TTLL9: variants seen among roughly 807,000 people sequenced by gnomAD.
TTLL9 encodes the protein tubulin tyrosine ligase like 9, also known as probable tubulin polyglutamylase TTLL9.
In TTLL9, 47 loss-of-function variants were observed where a neutral mutation model predicts 65.6. The observed-to-expected ratio is 0.72, with a 90% CI of 0.57 to 0.91. The LOEUF (loss-of-function observed/expected upper bound fraction) is 0.91. Among genes scored for constraint, TTLL9 ranks in the 40% least tolerant of loss-of-function variants. TTLL9 has a pLI of 0.00. For synonymous variants in TTLL9, 179 were observed against 204.8 expected, an observed-to-expected ratio of 0.87 and a Z score of 1.07; for missense variants, 537 against 568.8, an observed-to-expected ratio of 0.94 and a Z score of 0.57.
chr20:31,908,538 G>A, intron 4 of TTLL9, 53 bp from the exon 5 acceptor site: 1 of 1,358,066 alleles, frequency 7.4e-7, no homozygotes. Flanking sequence ...GGGCCCTGCA[G>A]TGCCAAGGTC....
intron 13 of TTLL9, 124 bp from the exon 14 acceptor site, chr20:31,939,018 G>T: frequency 8.5e-7 from 1 of 1,177,858 alleles, no homozygotes; most frequent in East Asian, 2.8e-5. Context: ...ATGAATGGTT[G>T]GGAAAAAGGA....
chr20:31,930,641 T>C (rs1040171492), intron 10 of TTLL9, among the ~76,000 whole-genome samples: 13 of 152,230 alleles, frequency 8.5e-5, no homozygotes, highest in African/African-American at 2.2e-4. Flanking sequence ...AATTTTTGCA[T>C]TGACATCTGT....
chr20:31,926,289 A>G (rs2063905766), intron 10 of TTLL9, among the ~76,000 whole-genome samples, 198 bp downstream of exon 10: 1 of 152,152 alleles, frequency 6.6e-6, no homozygotes, highest in Admixed American at 6.5e-5. Context: ...GAACATTTGC[A>G]TCCTTTTATG....
chr20:31,943,227 G>C lies in TTLL9; in HGVS notation c.*206G>C, dbSNP rs752051268. The stretch of plus-strand genomic sequence containing the variant: ...ATCCCCAGGCATCTTTGCACCAGGA[G>C]ACAGCCAATCACTGGGACTGGGGGA... On this transcript the variant is annotated 3_prime_UTR_variant, in exon 15 of 15. Transcript: ENST00000535842. 14 of 604,330 alleles carry C rather than the reference G, an allele frequency of 2.3e-5. No individual in the cohort carries two copies. The highest frequency in any genetic ancestry group is 3.7e-5 in the African/African-American group (2 of 54,194). The allele number at this position is 604,330 out of a possible 1,614,324, so 37.4% of individuals were successfully genotyped here.
chr20:31,924,046 A>G (rs1185802532), intron 8 of TTLL9, among the ~76,000 whole-genome samples: 2 of 152,066 alleles, frequency 1.3e-5, no homozygotes, highest in African/African-American at 2.4e-5. Context: ...TCTAGGGGAC[A>G]CAGCTAGAAG....
chr20:31,913,533 G>A (rs1168841053), intron 6 of TTLL9, among the ~76,000 whole-genome samples: 1 of 152,218 alleles, frequency 6.6e-6, no homozygotes, highest in Non-Finnish European at 1.5e-5. Context: ...CATAGTTGGT[G>A]TGGCCCAGCC....
chr20:31,880,950 C>G (rs1373810390), intron 2 of TTLL9, among the ~76,000 whole-genome samples: 4 of 146,826 alleles, frequency 2.7e-5, no homozygotes, highest in African/African-American at 5.1e-5. Context: ...TGGACTCAAG[C>G]GATTTTCCTC....
intron 12 of TTLL9, among the ~76,000 whole-genome samples, chr20:31,937,099 C>CAAA (rs59705348): frequency 6.4e-5 from 6 of 93,512 alleles, no homozygotes; most frequent in Admixed American, 1.2e-4. Flanking sequence ...ACTCCCTCTC[C>CAAA]AAAAAAAAAA....
chr20:31,915,123 T>C (rs1278136504), intron 6 of TTLL9, among the ~76,000 whole-genome samples: 1 of 152,226 alleles, frequency 6.6e-6, no homozygotes, highest in Non-Finnish European at 1.5e-5. Context: ...CTGTGATCTC[T>C]TTAGATGGCA....
At chr20:31,942,531 T>TG (rs1208954392) in intron 14 of TTLL9, among the ~76,000 whole-genome samples, 1 of 152,126 alleles carries the variant, frequency 6.6e-6, no homozygotes, top group African/African-American at 2.4e-5. Flanking sequence ...AGCAGCAGCG[T>TG]GGGGTAGTGG....
intron 14 of TTLL9, chr20:31,940,144 G>A (rs911473559): frequency 1.4e-4 from 22 of 152,286 alleles, no homozygotes; most frequent in African/African-American, 4.8e-4. Context: ...TTGGGCCAAA[G>A]GGATGGGATT....
At chr20:31,880,897 C>G (rs2063109955) in intron 2 of TTLL9, among the ~76,000 whole-genome samples, 1 of 129,128 alleles carries the variant, frequency 7.7e-6, no homozygotes, top group South Asian at 2.4e-4. Context: ...CTTGGTTGCT[C>G]AGGAGGGAGT....
At chr20:31,873,723 A>AAGG (rs2062979946) in intron 2 of TTLL9, among the ~76,000 whole-genome samples, 2 of 146,734 alleles carry the variant, frequency 1.4e-5, no homozygotes, top group Non-Finnish European at 3.0e-5. Flanking sequence ...AGAAAGAAAG[A>AAGG]AAGAAAGAAA....
chr20:31,913,714 C>G (rs187705861), intron 6 of TTLL9, among the ~76,000 whole-genome samples: 2 of 152,228 alleles, frequency 1.3e-5, no homozygotes, highest in Non-Finnish European at 2.9e-5. Context: ...GGCCAGAGCC[C>G]CAGCCCATCT....
intron 4 of TTLL9, among the ~76,000 whole-genome samples, chr20:31,899,130 C>T (rs139038820): frequency 7.9e-4 from 120 of 152,310 alleles, no homozygotes; most frequent in Non-Finnish European, 9.1e-4. Flanking sequence ...AAAGAGGCTT[C>T]GACATGCTAG....
At chr20:31,919,993 G>T in intron 7 of TTLL9, 61 bp downstream of exon 7, 1 of 1,396,104 alleles carries the variant, frequency 7.2e-7, no homozygotes, top group South Asian at 1.5e-5. Context: ...AGCAGGAGGG[G>T]CCACTCCTTC....
chr20:31,884,226 T>C (rs2063156786), intron 2 of TTLL9: 2 of 371,464 alleles, frequency 5.4e-6, no homozygotes, highest in Non-Finnish European at 4.9e-6. Context: ...TTATTATTTA[T>C]TTATTTATTT....
chr20:31,870,868 G>T lies in TTLL9; in HGVS notation c.-87G>T. 1 of 538,510 alleles carries T rather than the reference G, an allele frequency of 1.9e-6. No homozygotes were observed. Among genetic ancestry groups the T allele is most frequent in the South Asian group, 2.8e-5 (1 of 36,112 alleles). The allele number at this position is 538,510 out of a possible 1,614,324, so 33.4% of individuals were successfully genotyped here. A position where few individuals can be genotyped will look rare whatever the true frequency, so the allele number is the denominator to read the frequency against. Reference sequence around the variant, plus strand: ...GAAAGCACCCAACTTCTCCCGCCTCGGCTTCTAGCAGAAACGTGACGGGGC... The same window carrying T: ...GAAAGCACCCAACTTCTCCCGCCTCTGCTTCTAGCAGAAACGTGACGGGGC... On this transcript the variant is annotated 5_prime_UTR_variant, in exon 1 of 15. Transcript: ENST00000535842. The surrounding 1 kb of genome is among the most constrained non-coding windows in gnomAD (Gnocchi z 6.6).
rs150402525 is a variant in TTLL9 at position 31,940,110 on chromosome 20, G to C, written c.1243+844G>C. ...GCTGAAATTCTGGCCATTTCCTGAG[G>C]ACAGATTCCTAGAAGCAGAATTATT... is the stretch of plus-strand genomic sequence containing the variant. On this transcript the variant is annotated intron_variant, in intron 14 of 14. Coordinates refer to ENST00000535842, the MANE Select transcript of TTLL9 (RefSeq NM_001008409.5). 82 of 152,124 alleles carry C rather than the reference G, an allele frequency of 5.4e-4. 1 individual carries two copies. Among genetic ancestry groups the C allele is most frequent in the Middle Eastern group, 3.4e-3 (1 of 294 alleles). 9.4% of individuals were successfully genotyped at this position (152,124 alleles called of 1,614,324 possible).
Sources: allele counts gnomAD v4.1 joint callset (sites outside exome capture counted in the v4.1 genomes callset), GRCh38; gene constraint gnomAD v4.1.1; non-coding constraint Gnocchi (gnomAD v3.1); transcripts MANE v1.5; gene names NCBI Gene and HGNC (gene_info 2026-07-23, HGNC 2026-07-21).